The following DNAH3 variants were observed in gnomAD, a reference collection of about 807,000 sequenced individuals.
DNAH3 encodes axonemal beta dynein heavy chain 3.
Under a neutral mutation model 432.5 loss-of-function variants are expected in DNAH3, and 332 were observed. That is an observed-to-expected ratio of 0.77 (90% CI 0.70 to 0.84). The LOEUF (loss-of-function observed/expected upper bound fraction) is 0.84. Among genes scored for constraint, DNAH3 ranks in the 40% least tolerant of loss-of-function variants. The probability of loss-of-function intolerance (pLI) is 0.00; values close to 1 mark genes in which losing one functional copy is unlikely to be tolerated. For synonymous variants in DNAH3, 1,956 were observed against 1,900.2 expected, an observed-to-expected ratio of 1.03 and a Z score of -0.76; for missense variants, 4,861 against 5,114.0, an observed-to-expected ratio of 0.95 and a Z score of 1.51.
intron 41 of DNAH3, among the ~76,000 whole-genome samples, chr16:21,004,824 C>T (rs1333678403): frequency 1.3e-5 from 2 of 152,052 alleles, no homozygotes; most frequent in Admixed American, 6.6e-5. Flanking sequence ...TGAATACAAA[C>T]GATTCAAGTT....
chr16:20,966,880 G>A (rs377407854), intron 52 of DNAH3, among the ~76,000 whole-genome samples: 4 of 152,128 alleles, frequency 2.6e-5, no homozygotes, highest in Non-Finnish European at 5.9e-5. Flanking sequence ...AAGACTACCC[G>A]TGGCCTGCCC....
chr16:21,153,789 C>T (rs569524119), intron 1 of DNAH3, among the ~76,000 whole-genome samples: 2 of 152,320 alleles, frequency 1.3e-5, no homozygotes, highest in East Asian at 1.9e-4. Flanking sequence ...CGGCTTCATT[C>T]TTGAAGTCAG....
At chr16:20,937,803 G>A (rs2152565649) in intron 59 of DNAH3, among the ~76,000 whole-genome samples, 1 of 152,204 alleles carries the variant, frequency 6.6e-6, no homozygotes, top group South Asian at 2.1e-4. Flanking sequence ...TGGGATTACA[G>A]ATGAGCTACC....
intron 41 of DNAH3, among the ~76,000 whole-genome samples, chr16:21,008,636 T>C (rs2087435677): frequency 6.6e-6 from 1 of 152,144 alleles, no homozygotes; most frequent in African/African-American, 2.4e-5. Context: ...GATGGAGAGT[T>C]TCTCTTAGAC....
intron 41 of DNAH3, among the ~76,000 whole-genome samples, chr16:21,011,637 A>AG (rs1447504252): frequency 6.6e-6 from 1 of 152,152 alleles, no homozygotes; most frequent in African/African-American, 2.4e-5. Context: ...CTGGGATTAC[A>AG]GGGGCGAGCC....
rs1567821801 is a variant in DNAH3, at chr16:21,118,648, C to T, written c.1700-1331G>A. On this transcript the variant is annotated intron_variant, in intron 11 of 61. Coordinates refer to ENST00000261383, the Ensembl canonical transcript of DNAH3. ...ACAGACAGGGGCTCTCTCTATGTTG[C>T]CCAGGTTGGTCTTGAACTGGTGGTC... 2.0e-5 allele frequency among the ~76,000 whole-genome samples: 3 copies of T among 152,210 alleles called. No individual in the cohort carries two copies. The East Asian group carries it at 5.8e-4, about 29-fold the overall frequency.
chr16:20,950,153 C>T (rs979425004), intron 56 of DNAH3, among the ~76,000 whole-genome samples: 2 of 152,142 alleles, frequency 1.3e-5, no homozygotes, highest in Non-Finnish European at 2.9e-5. Flanking sequence ...CAGCTCCAGG[C>T]GCACTTCTTT....
At chr16:20,997,797 G>A (rs1430283947) in intron 43 of DNAH3, among the ~76,000 whole-genome samples, 5 of 146,310 alleles carry the variant, frequency 3.4e-5, no homozygotes, top group East Asian at 2.0e-4. Flanking sequence ...TCAGGAGTTC[G>A]AGACCAGCCT....
chr16:21,053,665 A>G (rs976512410), intron 28 of DNAH3, among the ~76,000 whole-genome samples: 2 of 152,136 alleles, frequency 1.3e-5, no homozygotes, highest in Non-Finnish European at 2.9e-5. Context: ...TGAAGTGAGC[A>G]TTAACCTGAG....
At chr16:21,022,044 A>G (rs746864307) in exon 40 of DNAH3, 11 of 1,614,068 alleles carry the variant, frequency 6.8e-6, no homozygotes, top group Non-Finnish European at 5.9e-6. Flanking sequence ...CAAATTTACA[A>G]TGAAGGCGAC....
chr16:21,038,825 G>A (rs2089292697), intron 33 of DNAH3, among the ~76,000 whole-genome samples: 1 of 152,192 alleles, frequency 6.6e-6, no homozygotes, highest in Non-Finnish European at 1.5e-5. Context: ...AAACAAATGA[G>A]TTAAATGTCA....
intron 40 of DNAH3, among the ~76,000 whole-genome samples, chr16:21,021,272 A>G (rs1425243946): frequency 6.6e-6 from 1 of 152,212 alleles, no homozygotes; most frequent in Admixed American, 6.5e-5. Flanking sequence ...TGCTGGATCA[A>G]TAAGTCTACA....
At chr16:20,937,017 T>C (rs2083616646) in intron 59 of DNAH3, among the ~76,000 whole-genome samples, 164 bp from the exon 60 acceptor site, 1 of 152,234 alleles carries the variant, frequency 6.6e-6, no homozygotes, top group Non-Finnish European at 1.5e-5. Context: ...ATAACGTTGA[T>C]GTATATCTTT....
At chr16:21,028,334 G>A (rs111454764) in intron 37 of DNAH3, among the ~76,000 whole-genome samples, 9 of 152,026 alleles carry the variant, frequency 5.9e-5, no homozygotes, top group African/African-American at 1.4e-4. Context: ...ATAAGCCACC[G>A]TGCCTGGCCC....
chr16:21,146,178 A>G (rs1174917013), intron 1 of DNAH3, 90 bp from the exon 3 acceptor site: 1 of 801,628 alleles, frequency 1.2e-6, no homozygotes, highest in African/African-American at 1.7e-5. Flanking sequence ...GTCCCCAGGA[A>G]AAGTTTTAGG....
intron 43 of DNAH3, among the ~76,000 whole-genome samples, chr16:20,999,553 A>AG (rs2086918191): frequency 6.6e-6 from 1 of 152,208 alleles, no homozygotes; most frequent in Non-Finnish European, 1.5e-5. Context: ...ACAGCAAGAT[A>AG]GTGGAAAATA....
At chr16:21,062,898 G>A (rs949936203) in intron 24 of DNAH3, 13 of 535,696 alleles carry the variant, frequency 2.4e-5, no homozygotes, top group Non-Finnish European at 4.0e-5. Flanking sequence ...ATATTGCCCA[G>A]GCTAGACTTG....
chr16:21,136,601 T>C, intron 5 of DNAH3, 88 bp from the exon 7 acceptor site: 1 of 1,202,050 alleles, frequency 8.3e-7, no homozygotes, highest in Non-Finnish European at 1.2e-6. Context: ...AGGGACCCCA[T>C]TCATACAGCA....
chr16:21,106,177 T>TAAAA (rs767198150), intron 15 of DNAH3, among the ~76,000 whole-genome samples: 6 of 97,548 alleles, frequency 6.2e-5, no homozygotes, highest in African/African-American at 2.0e-4. Context: ...AGACTCCATC[T>TAAAA]AAAAAAAAAA....
Sources: gnomAD v4.1 joint callset for allele counts (sites outside exome capture counted in the v4.1 genomes callset) on GRCh38, gnomAD v4.1.1 for gene constraint, MANE v1.5 for transcripts, NCBI Gene and HGNC (gene_info 2026-07-23, HGNC 2026-07-21) for gene names.